NEB: variants seen among roughly 807,000 people sequenced by gnomAD.
The protein encoded by NEB is nebulin.
NEB carries 512 observed loss-of-function variants against 952.2 expected under a neutral mutation model. That is an observed-to-expected ratio of 0.54 (90% confidence interval 0.50 to 0.58). The LOEUF is 0.58. NEB is among the 20% of genes least tolerant of loss of function. NEB has a pLI of 0.00. For missense variants in NEB, 8,428 were observed against 9,231.1 expected, an observed-to-expected ratio of 0.91 and a Z score of 3.56; for synonymous variants, 2,900 against 3,149.8, an observed-to-expected ratio of 0.92 and a Z score of 2.66.
intron 46 of NEB, among the ~76,000 whole-genome samples, chr2:151,660,220 T>C (rs1452347004): frequency 6.6e-6 from 1 of 152,206 alleles, no homozygotes. Context: ...GACTTTGTCA[T>C]GCCAGCATCA....
intron 38 of NEB, among the ~76,000 whole-genome samples, chr2:151,669,891 A>C (rs142777534): frequency 6.6e-6 from 1 of 152,314 alleles, no homozygotes; most frequent in African/African-American, 2.4e-5. Flanking sequence ...GCCATACAGA[A>C]GCTGGAAGTA....
chr2:151,551,359 A>G (rs2095326247), intron 129 of NEB, among the ~76,000 whole-genome samples: 1 of 152,220 alleles, frequency 6.6e-6, no homozygotes, highest in South Asian at 2.1e-4. Context: ...GGTAGGTTAA[A>G]TATGCAGGTG....
intron 69 of NEB, 41 bp from the exon 70 acceptor site, chr2:151,627,246 T>C (rs751068542): frequency 1.2e-4 from 184 of 1,573,814 alleles, no homozygotes; most frequent in Non-Finnish European, 1.6e-4. Context: ...ACTGAAGTTG[T>C]TTTAACATGA....
intron 107 of NEB, among the ~76,000 whole-genome samples, chr2:151,572,580 C>G (rs1267835719): frequency 4.9e-5 from 7 of 144,220 alleles, no homozygotes; most frequent in Non-Finnish European, 1.1e-4. Context: ...GAGTCTCGCT[C>G]TGTCACCCAA....
At position 151,546,001 on chromosome 2, in the gene NEB, T is replaced by TAAAAAAAAAA; in HGVS notation, c.20467-13_20467-4dup. Reference sequence around the variant, plus strand: ...TTATCAGTGTATAGGTAATTAGACTTAAAAAAAAAAAAAAAAACAGAAATA... The same window carrying TAAAAAAAAAA: ...TTATCAGTGTATAGGTAATTAGACTTAAAAAAAAAAAAAAAAAAAAAAAAAAACAGAAATA... On this transcript the variant is annotated splice_polypyrimidine_tract_variant and splice_region_variant and intron_variant, in intron 134 of 181. Transcript: ENST00000397345. The TAAAAAAAAAA allele has an allele frequency of 1.1e-6, 1 of 948,528 alleles. No homozygotes were observed. Among genetic ancestry groups the TAAAAAAAAAA allele is most frequent in the Non-Finnish European group, 1.6e-6 (1 of 643,018 alleles). 58.8% of individuals were successfully genotyped at this position (948,528 alleles called of 1,614,324 possible).
intron 37 of NEB, among the ~76,000 whole-genome samples, chr2:151,672,029 T>C (rs1157511055): frequency 2.0e-5 from 3 of 151,654 alleles, no homozygotes; most frequent in Admixed American, 6.6e-5. Context: ...GGATAGAAAA[T>C]TCTTCTATTT....
intron 107 of NEB, among the ~76,000 whole-genome samples, chr2:151,573,773 C>A (rs949007498): frequency 2.0e-5 from 3 of 152,094 alleles, no homozygotes; most frequent in African/African-American, 7.2e-5. Context: ...GTAATTTCTG[C>A]GATCCATGAA....
intron 44 of NEB, 37 bp from the exon 45 acceptor site, chr2:151,663,896 T>TA: frequency 6.4e-7 from 1 of 1,572,934 alleles, no homozygotes; most frequent in Non-Finnish European, 8.7e-7. Context: ...ATGAAAATGG[T>TA]AAAAGAGAAC....
rs1296240815 is a variant in NEB, at chr2:151,677,777, G to A, written c.3568-6C>T. On this transcript the variant is annotated splice_polypyrimidine_tract_variant and splice_region_variant and intron_variant, in intron 33 of 181. Transcript: ENST00000397345. ...TAGTCTTCCTTGTAGACGTTCTACA[G>A]CAATGGAGAAAAGAGGAGTGAGGGC... 8 of 1,613,730 alleles carry A rather than the reference G, an allele frequency of 5.0e-6. No homozygotes were observed. The highest frequency in any genetic ancestry group is 6.8e-6 in the Non-Finnish European group (8 of 1,179,772).
intron 13 of NEB, among the ~76,000 whole-genome samples, chr2:151,703,355 A>G (rs1207120102): frequency 9.8e-5 from 4 of 40,918 alleles, no homozygotes; most frequent in African/African-American, 2.3e-4. Context: ...TGCTCTTCTC[A>G]AGGAGTATCT....
At chr2:151,572,620 A>G (rs7421893) in intron 107 of NEB, among the ~76,000 whole-genome samples, 95,922 of 146,760 alleles carry the variant, frequency 0.65, 31,672 homozygotes, top group East Asian at 0.79. Context: ...ATCTCAGCTC[A>G]CTGCAACCTC....
At chr2:151,565,018 T>A (rs1423613354) in intron 117 of NEB, 26 bp downstream of exon 117, 1 of 1,328,684 alleles carries the variant, frequency 7.5e-7, no homozygotes, top group African/African-American at 1.5e-5. Flanking sequence ...AGAAATTGAG[T>A]GGTTATTACA....
chr2:151,717,540 G>A lies in NEB; in HGVS notation c.718-20C>T, dbSNP rs1163315420. 3.9e-5 allele frequency: 60 copies of A among 1,547,968 alleles called. No individual in the cohort carries two copies. The highest frequency in any genetic ancestry group is 5.3e-5 in the Non-Finnish European group (59 of 1,121,680). On this transcript the variant is annotated intron_variant, in intron 9 of 181. Transcript: ENST00000397345. ...GGCAACCTGATGAAATAAAAGACAG[G>A]GATGTATTTTAAAAACGATTATGCT...
At chr2:151,648,893 T>C (rs2098996617) in intron 54 of NEB, among the ~76,000 whole-genome samples, 2 of 152,202 alleles carry the variant, frequency 1.3e-5, no homozygotes, top group South Asian at 4.1e-4. Context: ...AAGGAGAGAC[T>C]GCAAGCTCAA....
chr2:151,506,214 C>A lies in NEB; in HGVS notation c.23601G>T (p.Lys7867Asn). ...EDVSPGTAIG[K>N]TPEMMRVKQT... ...GTTTCACTCTCATCATCTCAGGTGT[C>A]TTTCCGATAGCCGTTCCTGGTGAGA... The change falls in exon 164 of 182, where the codon AAG (lysine) becomes AAT (asparagine). Residue 7867 changes from lysine (K) to asparagine (N), a missense_variant. Lys to Asn is a moderately conservative substitution (Grantham distance 94, BLOSUM62 0). Around this residue, in one of 11 missense-constraint regions of NEB, gnomAD observed 3,374 missense variants for 3,651.5 expected, o/e 0.92. Transcript: ENST00000397345. The A allele has an allele frequency of 1.2e-6, 2 of 1,613,800 alleles. No homozygotes were observed. Among genetic ancestry groups the A allele is most frequent in the Non-Finnish European group, 1.7e-6 (2 of 1,179,706 alleles).
At position 151,610,832 on chromosome 2, in the gene NEB, G is replaced by A. The variant is rs1417823843; in HGVS notation, c.11840C>T (p.Thr3947Ile). ...GGTGTCTGGCATCACGTGGATGGAG[G>A]TTTTGTCAGCATCCCAAGCTTCTGT... Reference protein sequence around the residue: ...LYTEAWDADKTSIHVMPDTPD... With the variant: ...LYTEAWDADKISIHVMPDTPD... Residue 3947 changes from threonine (T) to isoleucine (I), a missense_variant, in exon 79 of 182, where the codon ACC becomes ATC. Transcript: ENST00000397345. 8.7e-6 allele frequency: 14 copies of A among 1,602,744 alleles called. No homozygotes were observed. Among genetic ancestry groups the A allele is most frequent in the Non-Finnish European group, 1.2e-5 (14 of 1,174,122 alleles).
intron 18 of NEB, among the ~76,000 whole-genome samples, 170 bp downstream of exon 18, chr2:151,695,408 T>C (rs891889874): frequency 2.6e-5 from 4 of 152,194 alleles, no homozygotes; most frequent in Non-Finnish European, 5.9e-5. Context: ...CTACACATAT[T>C]TTGTAAGGTG....
rs746337207 is a variant in NEB at position 151,562,644 on chromosome 2, T to C, written c.18858A>G (p.Ile6286Met). 9 of 1,590,790 alleles carry C rather than the reference T, an allele frequency of 5.7e-6. No individual in the cohort carries two copies. The African/African-American group carries it at 1.2e-4, about 21-fold the overall frequency. The change falls in exon 120 of 182, where the codon ATA (isoleucine) becomes ATG (methionine). Residue 6286 changes from isoleucine to methionine, a missense_variant. Transcript: ENST00000397345. ...AGATCTCCTGGGCGTTTCGGACGCG[T>C]ATAACATTGGGTTCTTCCAGAAGAG... ...WTSLLEEPNVIRVRNAQEILS... is the reference protein window; with the variant it reads ...WTSLLEEPNVMRVRNAQEILS...
rs762525242 is a variant in NEB at position 151,547,732 on chromosome 2, A to G, written c.20164T>C (p.Tyr6722His). ...TTCAGTTTGTGGTACAATTCCCGAT[A>G]CAGTCTCTACGTTGGAGGAAATATC... ...RVNNVTSERL[Y>H]RELYHKLKDK... Residue 6722 changes from tyrosine (Y) to histidine (H), a missense_variant, in exon 132 of 182, where the codon TAT becomes CAT. Physicochemically the swap from Tyr to His is moderately conservative, Grantham distance 83. Coordinates refer to ENST00000397345, the MANE Select transcript of NEB (RefSeq NM_001164508.2). The G allele has an allele frequency of 1.2e-6, 2 of 1,612,046 alleles. No individual in the cohort carries two copies. Among genetic ancestry groups the G allele is most frequent in the Middle Eastern group, 1.7e-4 (1 of 6,052 alleles).
Sources: gnomAD v4.1 joint callset for allele counts (sites outside exome capture counted in the v4.1 genomes callset) on GRCh38, gnomAD v4.1.1 for gene constraint, gnomAD v4.1.1 regional missense constraint, MANE v1.5 for transcripts, NCBI Gene and HGNC (gene_info 2026-07-23, HGNC 2026-07-21) for gene names.